GRM7: variants seen among roughly 807,000 people sequenced by gnomAD.
GRM7 encodes the protein metabotropic glutamate receptor 7.
Under a neutral mutation model 84.5 loss-of-function variants are expected in GRM7, and 35 were observed. The ratio of observed to expected loss-of-function variants is 0.41; its 90% confidence interval spans 0.32 to 0.55. The LOEUF is 0.55. GRM7 is among the 20% of genes least tolerant of loss of function. The pLI is 0.19. For synonymous variants in GRM7, 487 were observed against 455.1 expected (o/e 1.07, Z -0.89); for missense variants, 1,003 against 1,194.6 (o/e 0.84, Z 2.36).
rs1054950527 is a variant in GRM7, at chr3:6,862,527, A to G, written c.519+620A>G. Among the ~76,000 whole-genome samples the G allele has an allele frequency of 6.6e-6, 1 of 152,124 alleles. No individual in the cohort carries two copies. Among genetic ancestry groups the G allele is most frequent in the African/African-American group, 2.4e-5 (1 of 41,442 alleles). On this transcript the variant is annotated intron_variant, in intron 1 of 9. Coordinates refer to ENST00000357716, the MANE Select transcript of GRM7 (RefSeq NM_000844.4). The surrounding 1 kb of genome is among the most constrained non-coding windows in gnomAD (Gnocchi z 5.2). ...GGCGCGAGGTGCTGGGACCTTCCTC[A>G]GGTGGAGAGATGCTGCCCGCAGACG...
At chr3:7,464,064 G>A (rs935864536) in intron 7 of GRM7, among the ~76,000 whole-genome samples, 1 of 152,170 alleles carries the variant, frequency 6.6e-6, no homozygotes, top group African/African-American at 2.4e-5. Context: ...GCCATCTGGA[G>A]GGCTTGTAAC....
At chr3:7,603,299 T>G (rs564791591) in intron 8 of GRM7, among the ~76,000 whole-genome samples, 1 of 152,252 alleles carries the variant, frequency 6.6e-6, no homozygotes, top group African/African-American at 2.4e-5. Context: ...TCCACATGCC[T>G]GAGGCTGTCT....
chr3:7,516,716 G>T (rs181933140), intron 7 of GRM7, among the ~76,000 whole-genome samples: 24 of 152,182 alleles, frequency 1.6e-4, no homozygotes, highest in African/African-American at 5.8e-4. Flanking sequence ...TCCAAATAGG[G>T]ATGTGGACCA....
intron 1 of GRM7, among the ~76,000 whole-genome samples, chr3:7,008,114 CG>C (rs1014252192): frequency 6.0e-4 from 7 of 11,706 alleles, no homozygotes; most frequent in Non-Finnish European, 4.5e-3. Flanking sequence ...AATGAGAATG[CG>C]TTTTTTTTTT....
At chr3:7,594,191 T>C (rs1695928065) in intron 8 of GRM7, among the ~76,000 whole-genome samples, 1 of 152,176 alleles carries the variant, frequency 6.6e-6, no homozygotes, top group Non-Finnish European at 1.5e-5. Context: ...AGTTCCCAGA[T>C]AGCAAATTAG....
chr3:7,022,367 G>GCACACACACA (rs71307753), intron 1 of GRM7, among the ~76,000 whole-genome samples: 5,545 of 145,498 alleles, frequency 0.038, 295 homozygotes, highest in African/African-American at 0.11. Context: ...ACACACACAT[G>GCACACACACA]CACACACACA....
intron 4 of GRM7, among the ~76,000 whole-genome samples, chr3:7,358,008 G>A (rs1174655177): frequency 1.3e-5 from 2 of 151,996 alleles, no homozygotes; most frequent in African/African-American, 4.8e-5. Context: ...CTTGAATATA[G>A]AGCAACATAA....
chr3:7,294,242 A>G (rs989613867), intron 2 of GRM7, among the ~76,000 whole-genome samples: 36 of 152,162 alleles, frequency 2.4e-4, no homozygotes, highest in African/African-American at 8.7e-4. Context: ...GTTTGCTCCA[A>G]TTTGCTTAAT....
chr3:7,224,692 T>A (rs930519373), intron 2 of GRM7, among the ~76,000 whole-genome samples: 6 of 152,202 alleles, frequency 3.9e-5, no homozygotes, highest in African/African-American at 1.4e-4. Flanking sequence ...ACTTTGGGGA[T>A]AATCATGGCA....
intron 1 of GRM7, among the ~76,000 whole-genome samples, chr3:6,959,035 G>A (rs79124925): frequency 4.3e-4 from 66 of 151,820 alleles, no homozygotes; most frequent in Non-Finnish European, 8.8e-4. Context: ...TTTGATTAAA[G>A]TGGAGGAAAT....
intron 8 of GRM7, among the ~76,000 whole-genome samples, chr3:7,615,263 G>C (rs1553625189): frequency 6.6e-6 from 1 of 151,514 alleles, no homozygotes; most frequent in Non-Finnish European, 1.5e-5. Context: ...TCTCTTATGA[G>C]TTTTGGAAAT....
At chr3:7,082,102 T>C (rs752870261) in intron 1 of GRM7, among the ~76,000 whole-genome samples, 3 of 152,222 alleles carry the variant, frequency 2.0e-5, no homozygotes, top group African/African-American at 7.2e-5. Context: ...AAACAACATA[T>C]TTTCAATGCA....
chr3:7,574,361 T>C (rs1451415301), intron 7 of GRM7, among the ~76,000 whole-genome samples: 3 of 152,162 alleles, frequency 2.0e-5, no homozygotes, highest in Non-Finnish European at 4.4e-5. Context: ...GGTTTCACTA[T>C]GTTGGCCAGG....
At chr3:6,874,732 G>GCTGA in intron 1 of GRM7, among the ~76,000 whole-genome samples, 1 of 152,198 alleles carries the variant, frequency 6.6e-6, no homozygotes, top group Admixed American at 6.5e-5. Context: ...ACTCCTGTGA[G>GCTGA]AGTAGAGAAG....
intron 2 of GRM7, among the ~76,000 whole-genome samples, chr3:7,189,158 G>A (rs751185064): frequency 2.0e-5 from 3 of 152,108 alleles, no homozygotes; most frequent in African/African-American, 4.8e-5. Context: ...AGATACAAAT[G>A]TATGTATATA....
chr3:7,338,423 A>C (rs60512786), intron 4 of GRM7, among the ~76,000 whole-genome samples: 5,939 of 152,080 alleles, frequency 0.039, 246 homozygotes, highest in African/African-American at 0.11. Context: ...GGTATACTAA[A>C]ATCTCAGAAA....
chr3:7,006,100 C>G (rs1695175934), intron 1 of GRM7, among the ~76,000 whole-genome samples: 6 of 152,148 alleles, frequency 3.9e-5, no homozygotes, highest in Admixed American at 3.9e-4. Flanking sequence ...CCTCCTGGCT[C>G]TCCTCCAAAT....
At chr3:7,721,922 C>T (rs1476630837) in intron 9 of GRM7, among the ~76,000 whole-genome samples, 3 of 152,204 alleles carry the variant, frequency 2.0e-5, no homozygotes, top group Non-Finnish European at 4.4e-5. Context: ...GTCACACTTT[C>T]ACAGAGGTGG....
intron 4 of GRM7, among the ~76,000 whole-genome samples, chr3:7,362,997 C>T (rs538372889): frequency 1.2e-3 from 180 of 152,116 alleles, no homozygotes; most frequent in Middle Eastern, 3.4e-3. Context: ...TGGTACATGC[C>T]TGTAGTCCCA....
Sources: gnomAD v4.1 joint callset for allele counts (sites outside exome capture counted in the v4.1 genomes callset) on GRCh38, gnomAD v4.1.1 for gene constraint, Gnocchi (gnomAD v3.1) non-coding constraint, MANE v1.5 for transcripts, NCBI Gene and HGNC (gene_info 2026-07-23, HGNC 2026-07-21) for gene names.